Variants in RDH12 observed in about 807,000 individuals in gnomAD.
RDH12 encodes the protein all-trans and 9-cis retinol dehydrogenase.
Under a neutral mutation model 34.0 loss-of-function variants are expected in RDH12, and 21 were observed. The ratio of observed to expected loss-of-function variants is 0.62; its 90% CI spans 0.44 to 0.89. The LOEUF (loss-of-function observed/expected upper bound fraction) is 0.89. Among genes scored for constraint, RDH12 ranks in the 40% least tolerant of loss-of-function variants. The pLI is 0.00. For synonymous variants in RDH12, 198 were observed against 169.9 expected (o/e 1.17, Z -1.29); for missense variants, 394 against 398.6 (o/e 0.99, Z 0.10).
At chr14:67,715,982 T>G (rs887860109) in intron 1 of RDH12, among the ~76,000 whole-genome samples, 2 of 151,594 alleles carry the variant, frequency 1.3e-5, no homozygotes, top group Admixed American at 6.6e-5. Context: ...GATCACGAGG[T>G]CAAGAGATAG....
chr14:67,702,803 T>G (rs2037913329), intron 1 of RDH12, among the ~76,000 whole-genome samples: 1 of 152,082 alleles, frequency 6.6e-6, no homozygotes, highest in Non-Finnish European at 1.5e-5. Flanking sequence ...AATAGAGATC[T>G]TATACCTTTA....
chr14:67,710,981 A>G (rs1207683987), intron 1 of RDH12, among the ~76,000 whole-genome samples: 1 of 152,210 alleles, frequency 6.6e-6, no homozygotes, highest in Admixed American at 6.5e-5. Flanking sequence ...AGACAGTGAA[A>G]AAGATTTAAC....
chr14:67,732,126 C>CAAA (rs71129854), intron 8 of RDH12, among the ~76,000 whole-genome samples: 5 of 77,526 alleles, frequency 6.4e-5, no homozygotes, highest in East Asian at 4.0e-4. Context: ...GACTCTGTCT[C>CAAA]AAAAAAAAAA....
rs781248025 is a variant in RDH12, at chr14:67,733,900, G to A, written c.*52G>A. ...GGCCCAATCCATGCCATAATGAACA[G>A]GGACCAAGGAGAAGGCCAACCCTAA... On this transcript the variant is annotated 3_prime_UTR_variant, in exon 9 of 9. Coordinates refer to ENST00000551171, the MANE Select transcript of RDH12 (RefSeq NM_152443.3). 4.3e-6 allele frequency: 6 copies of A among 1,393,656 alleles called. No homozygotes were observed. Among genetic ancestry groups the A allele is most frequent in the Middle Eastern group, 1.8e-4 (1 of 5,568 alleles). The allele number at this position is 1,393,656 out of a possible 1,614,324, so 86.3% of individuals were successfully genotyped here.
chr14:67,702,619 A>G (rs994999430), intron 1 of RDH12, among the ~76,000 whole-genome samples: 1 of 152,228 alleles, frequency 6.6e-6, no homozygotes, highest in South Asian at 2.1e-4. Context: ...ATAATTTTAA[A>G]GCCAGTTTAT....
intron 1 of RDH12, among the ~76,000 whole-genome samples, chr14:67,714,009 A>C (rs768576793): frequency 3.9e-5 from 6 of 152,158 alleles, no homozygotes; most frequent in Non-Finnish European, 5.9e-5. Context: ...GTTTGCCCTA[A>C]ACAGTTCCCA....
At chr14:67,709,507 G>A (rs2140112980) in intron 1 of RDH12, among the ~76,000 whole-genome samples, 1 of 152,300 alleles carries the variant, frequency 6.6e-6, no homozygotes, top group East Asian at 1.9e-4. Flanking sequence ...CCATATGCTG[G>A]TCTTGCATCA....
At position 67,726,169 on chromosome 14, in the gene RDH12, G is replaced by C; in HGVS notation, c.448+14G>C. On this transcript the variant is annotated intron_variant, in intron 6 of 8. Coordinates refer to ENST00000551171, the MANE Select transcript of RDH12 (RefSeq NM_152443.3). ...TCAACCACCTGGGTAAGTATCTTTG[G>C]GTGACTAAAAAATGAGGTACACCCA... The C allele has an allele frequency of 6.6e-7, 1 of 1,512,734 alleles. No individual in the cohort carries two copies. Among genetic ancestry groups the C allele is most frequent in the Non-Finnish European group, 9.2e-7 (1 of 1,087,634 alleles). The allele number at this position is 1,512,734 out of a possible 1,614,324, so 93.7% of individuals were successfully genotyped here.
Position 67,725,270 on chromosome 14 carries a change from G to A in RDH12, c.343+16G>A. ...TTTCTGGCAGGTGAGGTCCTGATGG[G>A]TAGGTAGAAAAGCAGGAAATTGGGT... On this transcript the variant is annotated intron_variant, in intron 5 of 8. Transcript: ENST00000551171. The A allele has an allele frequency of 4.3e-6, 7 of 1,612,374 alleles. No individual in the cohort carries two copies. Among genetic ancestry groups the A allele is most frequent in the Non-Finnish European group, 5.9e-6 (7 of 1,179,872 alleles).
intron 8 of RDH12, 192 bp downstream of exon 8, chr14:67,729,572 C>G: frequency 1.5e-6 from 1 of 653,240 alleles, no homozygotes; most frequent in Admixed American, 2.4e-5. Flanking sequence ...GGAAGAGTTG[C>G]TTTTCTGGCT....
intron 3 of RDH12, among the ~76,000 whole-genome samples, chr14:67,723,174 G>C (rs1303464389): frequency 6.6e-6 from 1 of 152,154 alleles, no homozygotes; most frequent in Non-Finnish European, 1.5e-5. Context: ...TAATGTTTTG[G>C]GATGGCTTTT....
intron 8 of RDH12, among the ~76,000 whole-genome samples, chr14:67,732,296 A>T (rs1406431997): frequency 6.6e-6 from 1 of 151,386 alleles, no homozygotes; most frequent in Non-Finnish European, 1.5e-5. Context: ...AAATTAGCCC[A>T]GCATTGTGGT....
chr14:67,733,452 T>G (rs1000860650), intron 8 of RDH12, among the ~76,000 whole-genome samples: 2 of 152,252 alleles, frequency 1.3e-5, no homozygotes, highest in African/African-American at 4.8e-5. Flanking sequence ...CACATTGCAG[T>G]TGTTGCAGAT....
At chr14:67,714,171 C>G (rs1033025569) in intron 1 of RDH12, among the ~76,000 whole-genome samples, 6 of 152,106 alleles carry the variant, frequency 3.9e-5, no homozygotes, top group African/African-American at 1.4e-4. Flanking sequence ...GGTCTTGCTC[C>G]GTCTCCCAGG....
chr14:67,724,696 C>T, intron 4 of RDH12, 105 bp downstream of exon 4: 1 of 905,110 alleles, frequency 1.1e-6, no homozygotes, highest in Non-Finnish European at 1.8e-6. Context: ...CTTGGGGGCT[C>T]TGACTAGAAA....
At chr14:67,711,534 G>A (rs950812181) in intron 1 of RDH12, among the ~76,000 whole-genome samples, 14 of 152,030 alleles carry the variant, frequency 9.2e-5, no homozygotes, top group African/African-American at 3.4e-4. Flanking sequence ...TTTTCTTTAA[G>A]CCAATTAATT....
At chr14:67,726,641 C>A (rs1482519212) in intron 6 of RDH12, among the ~76,000 whole-genome samples, 2 of 152,230 alleles carry the variant, frequency 1.3e-5, no homozygotes, top group Non-Finnish European at 2.9e-5. Context: ...CAAATGTTAT[C>A]TTCCCTGACT....
intron 8 of RDH12, among the ~76,000 whole-genome samples, chr14:67,733,053 A>G (rs1284533534): frequency 4.6e-5 from 7 of 152,178 alleles, no homozygotes; most frequent in African/African-American, 7.2e-5. Context: ...GCACACCAAC[A>G]TGGCACATGT....
chr14:67,729,410 C>T lies in RDH12; in HGVS notation c.848+30C>T, dbSNP rs200959375. On this transcript the variant is annotated intron_variant, in intron 8 of 8. Coordinates refer to ENST00000551171, the MANE Select transcript of RDH12 (RefSeq NM_152443.3). The stretch of plus-strand genomic sequence containing the variant: ...GTGAAGGCAATGCGGTTCTCTCCAC[C>T]ACCTGTGTGCATGGGAGGTGCCGGA... The T allele has an allele frequency of 2.0e-5, 32 of 1,588,702 alleles. No individual in the cohort carries two copies. In the African/African-American group the frequency reaches 2.7e-4, roughly 13 times the overall value.
Sources: allele counts gnomAD v4.1 joint callset (sites outside exome capture counted in the v4.1 genomes callset), GRCh38; gene constraint gnomAD v4.1.1; transcripts MANE v1.5; gene names NCBI Gene and HGNC (gene_info 2026-07-23, HGNC 2026-07-21).